Variants in PKNOX2 observed in about 807,000 individuals in gnomAD.
The protein encoded by PKNOX2 is homeobox protein PKNOX2.
Under a neutral mutation model 53.1 loss-of-function variants are expected in PKNOX2, and 14 were observed. The ratio of observed to expected loss-of-function variants is 0.26; its 90% CI spans 0.17 to 0.41. The LOEUF (loss-of-function observed/expected upper bound fraction) is 0.41. Among genes scored for constraint, PKNOX2 ranks in the 10% least tolerant of loss-of-function variants. The pLI is 1.00. For synonymous variants in PKNOX2, 257 were observed against 242.8 expected, an observed-to-expected ratio of 1.06 and a Z score of -0.54; for missense variants, 496 against 602.8, an observed-to-expected ratio of 0.82 and a Z score of 1.85.
At chr11:125,252,679 G>A (rs995496419) in intron 2 of PKNOX2, among the ~76,000 whole-genome samples, 1 of 152,064 alleles carries the variant, frequency 6.6e-6, no homozygotes, top group Non-Finnish European at 1.5e-5. Flanking sequence ...GACAAGGTGT[G>A]GTACCCAATG....
In PKNOX2 at chr11:125,311,036, G is replaced by A. The variant is rs527535051; in HGVS notation, c.-129-20783G>A. On this transcript the variant is annotated intron_variant, in intron 2 of 12. Coordinates refer to ENST00000298282, the MANE Select transcript of PKNOX2 (RefSeq NM_001382323.2). ...AATGTGTGTGGTATGGGGGAGTCTG[G>A]TGGGGGAAGGTGTTTTTAGACTCCA... Among the ~76,000 whole-genome samples the A allele has an allele frequency of 3.9e-5, 6 of 152,214 alleles. 1 individual carries two copies. The highest frequency in any genetic ancestry group is 1.4e-4 in the African/African-American group (6 of 41,534).
intron 2 of PKNOX2, among the ~76,000 whole-genome samples, chr11:125,301,930 T>A (rs1482372903): frequency 6.6e-6 from 1 of 152,250 alleles, no homozygotes; most frequent in Non-Finnish European, 1.5e-5. Flanking sequence ...ACTAGGCACC[T>A]ACTGTGTGCA....
At position 125,165,656 on chromosome 11, in the gene PKNOX2, C is replaced by T. The variant is rs772341900; in HGVS notation, c.-201+880C>T. ...GAGGGGCTACACGCACGGACCCTCACCCAGGGAGGAGCGAGAATGTGTAGG... is the reference window on the plus strand; with the variant it reads ...GAGGGGCTACACGCACGGACCCTCATCCAGGGAGGAGCGAGAATGTGTAGG... On this transcript the variant is annotated intron_variant, in intron 1 of 12. Coordinates refer to ENST00000298282, the MANE Select transcript of PKNOX2 (RefSeq NM_001382323.2). This position sits in a 1 kb window ranked among gnomAD's most constrained non-coding sequence, Gnocchi z 4.5. 6.6e-5 allele frequency among the ~76,000 whole-genome samples: 10 copies of T among 152,164 alleles called. No individual in the cohort carries two copies. The highest frequency in any genetic ancestry group is 1.0e-4 in the Non-Finnish European group (7 of 68,020).
At chr11:125,229,841 C>T (rs1427456323) in intron 1 of PKNOX2, among the ~76,000 whole-genome samples, 1 of 152,214 alleles carries the variant, frequency 6.6e-6, no homozygotes, top group Admixed American at 6.5e-5. Context: ...TGAGACCAAG[C>T]CACTCTGTGA....
chr11:125,430,132 A>C lies in PKNOX2; in HGVS notation c.1183A>C (p.Asn395His), dbSNP rs1267984349. 1 of 1,613,832 alleles carries C rather than the reference A, an allele frequency of 6.2e-7. No homozygotes were observed. ...GCAGCAGGGCGGTGCCCCAGGGACAAACCCCGATGGTAAGAACTGGGGCTG... is the reference window on the plus strand; with the variant it reads ...GCAGCAGGGCGGTGCCCCAGGGACACACCCCGATGGTAAGAACTGGGGCTG... ...LQQQGGAPGT[N>H]PDGSINLDNL... The change falls in exon 12 of 13, where the codon AAC (asparagine) becomes CAC (histidine). Residue 395 changes from asparagine to histidine, a missense_variant. This residue lies in a region of PKNOX2 where 139 missense variants were observed against 161.3 expected (regional missense o/e 0.86). Coordinates refer to ENST00000298282, the MANE Select transcript of PKNOX2 (RefSeq NM_001382323.2).
intron 4 of PKNOX2, among the ~76,000 whole-genome samples, chr11:125,362,526 C>A (rs1357965700): frequency 1.3e-5 from 2 of 152,018 alleles, no homozygotes; most frequent in Non-Finnish European, 2.9e-5. Context: ...GGCACCACCG[C>A]ATCCAGCCAA....
chr11:125,197,673 C>A lies in PKNOX2; in HGVS notation c.-201+32897C>A, dbSNP rs527657866. Among the ~76,000 whole-genome samples, 396 of 152,040 alleles carry A rather than the reference C, an allele frequency of 2.6e-3. 1 individual carries two copies. The highest frequency in any genetic ancestry group is 5.4e-3 in the South Asian group (26 of 4,818). The stretch of plus-strand genomic sequence containing the variant: ...AGAGGAAAAACAACAACAACAACAA[C>A]AAAAAAACACAGCTGAGGCTCTGGC... On this transcript the variant is annotated intron_variant, in intron 1 of 12. Transcript: ENST00000298282.
chr11:125,334,539 C>T (rs1950328023), intron 3 of PKNOX2, among the ~76,000 whole-genome samples: 1 of 151,814 alleles, frequency 6.6e-6, no homozygotes, highest in African/African-American at 2.4e-5. Flanking sequence ...CTAGCTCTGC[C>T]ATTTGCTGCC....
Position 125,183,944 on chromosome 11 carries a change from C to T in PKNOX2, c.-201+19168C>T, listed in dbSNP as rs141186973. ...GATATGTTTCCTGTGGGGGTTTCTTCTGTTGCCTGTGGACCCTCCATTTGC... is the reference window on the plus strand; with the variant it reads ...GATATGTTTCCTGTGGGGGTTTCTTTTGTTGCCTGTGGACCCTCCATTTGC... On this transcript the variant is annotated intron_variant, in intron 1 of 12. Coordinates refer to ENST00000298282, the MANE Select transcript of PKNOX2 (RefSeq NM_001382323.2). Among the ~76,000 whole-genome samples, 246 of 152,274 alleles carry T rather than the reference C, an allele frequency of 1.6e-3. 1 individual carries two copies. Among genetic ancestry groups the T allele is most frequent in the African/African-American group, 5.4e-3 (226 of 41,556 alleles).
rs556933672 is a variant in PKNOX2 at position 125,426,797 on chromosome 11, C to T, written c.937-2215C>T. ...ATGGGGTCCCTGCCTGAGAGAAGCT[C>T]ATGGCCTAGTGGGGGACACATGTCT... On this transcript the variant is annotated intron_variant, in intron 10 of 12. Coordinates refer to ENST00000298282, the MANE Select transcript of PKNOX2 (RefSeq NM_001382323.2). 1.1e-4 allele frequency among the ~76,000 whole-genome samples: 16 copies of T among 152,334 alleles called. 1 individual carries two copies. Among genetic ancestry groups the T allele is most frequent in the African/African-American group, 3.4e-4 (14 of 41,580 alleles).
chr11:125,319,175 TATTA>T (rs1949376050), intron 2 of PKNOX2, among the ~76,000 whole-genome samples: 1 of 152,188 alleles, frequency 6.6e-6, no homozygotes, highest in Non-Finnish European at 1.5e-5. Flanking sequence ...ACTGTAGGGT[TATTA>T]ATTGACCTAA....
At chr11:125,374,872 G>C (rs934029511) in intron 5 of PKNOX2, among the ~76,000 whole-genome samples, 1 of 144,174 alleles carries the variant, frequency 6.9e-6, no homozygotes, top group Admixed American at 7.6e-5. Context: ...ACTGCACCGG[G>C]TCTGTCCCCC....
intron 2 of PKNOX2, among the ~76,000 whole-genome samples, chr11:125,266,126 G>C (rs1200208170): frequency 6.6e-6 from 1 of 152,176 alleles, no homozygotes; most frequent in Non-Finnish European, 1.5e-5. Context: ...CATCAGAGTT[G>C]AATGATATGA....
chr11:125,257,857 C>G (rs1181205215), intron 2 of PKNOX2, among the ~76,000 whole-genome samples: 1 of 152,218 alleles, frequency 6.6e-6, no homozygotes, highest in Non-Finnish European at 1.5e-5. Context: ...AGGCCTGCCT[C>G]TGGTCTCATC....
intron 2 of PKNOX2, among the ~76,000 whole-genome samples, chr11:125,312,200 C>T (rs1948850106): frequency 6.6e-6 from 1 of 152,120 alleles, no homozygotes; most frequent in African/African-American, 2.4e-5. Context: ...GGGTGGAGTG[C>T]TGTGTGCGGG....
intron 2 of PKNOX2, among the ~76,000 whole-genome samples, chr11:125,265,212 A>C (rs1310386582): frequency 2.6e-5 from 4 of 151,762 alleles, no homozygotes; most frequent in Non-Finnish European, 4.4e-5. Flanking sequence ...CCGTGAACCC[A>C]GGAAGTGGAG....
chr11:125,262,813 T>G (rs886367729), intron 2 of PKNOX2, among the ~76,000 whole-genome samples: 23 of 152,268 alleles, frequency 1.5e-4, no homozygotes, highest in African/African-American at 4.8e-4. Context: ...TCCTTACTTC[T>G]CTGTTTCCCT....
intron 1 of PKNOX2, among the ~76,000 whole-genome samples, chr11:125,176,501 G>A (rs1955713174): frequency 1.3e-5 from 2 of 152,170 alleles, no homozygotes; most frequent in East Asian, 1.9e-4. Context: ...AAGCCGTGAG[G>A]GCCTCAACAG....
rs1309240484 is a variant in PKNOX2 at position 125,331,882 on chromosome 11, A to C, written c.-66A>C. The C allele has an allele frequency of 6.6e-6, 1 of 152,244 alleles. No homozygotes were observed. Among genetic ancestry groups the C allele is most frequent in the Non-Finnish European group, 1.5e-5 (1 of 68,092 alleles). The allele number at this position is 152,244 out of a possible 1,614,324, so 9.4% of individuals were successfully genotyped here. A position where few individuals can be genotyped will look rare whatever the true frequency, so the allele number is the denominator to read the frequency against. On this transcript the variant is annotated 5_prime_UTR_variant, in exon 3 of 13. Transcript: ENST00000298282. ...AGCTGGAAGTAGAAAGAGGGGAGTGAGTCTCCTGAGGACCATCTCAGAGGC... is the reference window on the plus strand; with the variant it reads ...AGCTGGAAGTAGAAAGAGGGGAGTGCGTCTCCTGAGGACCATCTCAGAGGC...
Sources: allele counts gnomAD v4.1 joint callset (sites outside exome capture counted in the v4.1 genomes callset), GRCh38; gene constraint gnomAD v4.1.1; regional missense constraint gnomAD v4.1.1; non-coding constraint Gnocchi (gnomAD v3.1); transcripts MANE v1.5; gene names NCBI Gene and HGNC (gene_info 2026-07-23, HGNC 2026-07-21).